Variants in CLNK observed in about 807,000 individuals in gnomAD.
CLNK encodes the protein cytokine dependent hematopoietic cell linker.
Under a neutral mutation model 68.6 loss-of-function variants are expected in CLNK, and 74 were observed. That is an observed-to-expected ratio of 1.08 (90% CI 0.89 to 1.31). The LOEUF (loss-of-function observed/expected upper bound fraction) is 1.31, where lower values mean the gene tolerates loss of function less well. CLNK is among the 50% of genes most tolerant of loss of function. CLNK has a pLI of 0.00. For synonymous variants in CLNK, 198 were observed against 172.2 expected, an observed-to-expected ratio of 1.15 and a Z score of -1.17; for missense variants, 553 against 515.3, an observed-to-expected ratio of 1.07 and a Z score of -0.71.
intron 2 of CLNK, among the ~76,000 whole-genome samples, chr4:10,646,990 T>C (rs1046986320): frequency 6.6e-5 from 10 of 152,202 alleles, no homozygotes; most frequent in African/African-American, 2.4e-4. Context: ...ACATTCTTTT[T>C]GTTGCCATCA....
chr4:10,632,558 A>T (rs1357774673), intron 2 of CLNK, among the ~76,000 whole-genome samples: 4 of 152,244 alleles, frequency 2.6e-5, no homozygotes, highest in Non-Finnish European at 5.9e-5. Context: ...GGGCAGGGTC[A>T]TCTTTTTTTG....
the CLNK span, among the ~76,000 whole-genome samples, chr4:10,689,916 T>C: frequency 6.6e-6 from 1 of 151,946 alleles, no homozygotes; most frequent in Non-Finnish European, 1.5e-5. Context: ...TCTCATCTCA[T>C]AGCCTGTCTC....
At chr4:10,691,764 T>A in the CLNK span, among the ~76,000 whole-genome samples, 8 of 152,176 alleles carry the variant, frequency 5.3e-5, no homozygotes, top group Non-Finnish European at 1.2e-4. Flanking sequence ...CCCCATACCA[T>A]CTGTCCTCAA....
intron 2 of CLNK, among the ~76,000 whole-genome samples, chr4:10,615,784 A>C (rs1272194560): frequency 6.6e-6 from 1 of 152,224 alleles, no homozygotes; most frequent in Non-Finnish European, 1.5e-5. Context: ...TCTAAGGTCA[A>C]AGATTTTTCC....
At chr4:10,553,432 TC>T (rs1719538658) in intron 8 of CLNK, among the ~76,000 whole-genome samples, 2 of 151,408 alleles carry the variant, frequency 1.3e-5, no homozygotes, top group Non-Finnish European at 2.9e-5. Context: ...ATCCAGAGTT[TC>T]CCATTTATTT....
the CLNK span, among the ~76,000 whole-genome samples, chr4:10,713,464 G>C: frequency 6.6e-6 from 1 of 152,178 alleles, no homozygotes; most frequent in Non-Finnish European, 1.5e-5. Flanking sequence ...AGGTGGAGGA[G>C]ATAGAGGAAG....
chr4:10,662,575 A>G (rs1185895011), intron 2 of CLNK, among the ~76,000 whole-genome samples: 1 of 152,224 alleles, frequency 6.6e-6, no homozygotes, highest in Non-Finnish European at 1.5e-5. Flanking sequence ...ATTGTGGAGA[A>G]GGGGTGAGAA....
intron 2 of CLNK, among the ~76,000 whole-genome samples, chr4:10,653,878 C>T (rs1483625358): frequency 6.6e-6 from 1 of 152,132 alleles, no homozygotes; most frequent in Non-Finnish European, 1.5e-5. Context: ...TGAACAAACA[C>T]GTATGTAGAA....
intron 16 of CLNK, among the ~76,000 whole-genome samples, chr4:10,511,649 CATA>C (rs1251879332): frequency 2.0e-5 from 3 of 152,178 alleles, no homozygotes; most frequent in Non-Finnish European, 2.9e-5. Flanking sequence ...TTTCACTCAG[CATA>C]ATGTTTTCAA....
chr4:10,700,435 G>T, the CLNK span, among the ~76,000 whole-genome samples: 154 of 152,240 alleles, frequency 1.0e-3, no homozygotes, highest in African/African-American at 3.6e-3. Flanking sequence ...TTATTATTTT[G>T]CAAGACAGAC....
At chr4:10,655,498 G>A (rs1723940485) in intron 2 of CLNK, among the ~76,000 whole-genome samples, 1 of 152,134 alleles carries the variant, frequency 6.6e-6, no homozygotes, top group Non-Finnish European at 1.5e-5. Flanking sequence ...CTACAACAAA[G>A]TTATACTAAT....
chr4:10,575,256 G>A (rs1238751816), intron 4 of CLNK, among the ~76,000 whole-genome samples: 3 of 152,068 alleles, frequency 2.0e-5, no homozygotes, highest in Non-Finnish European at 2.9e-5. Flanking sequence ...TCTCACCTCC[G>A]ACTTCAGCTG....
At chr4:10,726,400 T>C in the CLNK span, among the ~76,000 whole-genome samples, 8 of 152,212 alleles carry the variant, frequency 5.3e-5, no homozygotes, top group Admixed American at 4.6e-4. Flanking sequence ...ATTATAGGCG[T>C]GAGCCACCAT....
intron 16 of CLNK, among the ~76,000 whole-genome samples, chr4:10,510,824 T>C (rs973471848): frequency 1.3e-5 from 2 of 152,226 alleles, no homozygotes; most frequent in African/African-American, 4.8e-5. Flanking sequence ...TGCTAAAATT[T>C]ACCTATAACC....
At chr4:10,675,253 T>G (rs1724822342) in intron 1 of CLNK, among the ~76,000 whole-genome samples, 1 of 152,228 alleles carries the variant, frequency 6.6e-6, no homozygotes, top group Admixed American at 6.5e-5. Context: ...CTATAAGATT[T>G]CCAAAGAACA....
chr4:10,707,015 C>T, the CLNK span, among the ~76,000 whole-genome samples: 1 of 121,458 alleles, frequency 8.2e-6, no homozygotes, highest in African/African-American at 3.0e-5. Flanking sequence ...CTCCTGAGTT[C>T]AGGCAATCCA....
intron 15 of CLNK, among the ~76,000 whole-genome samples, chr4:10,516,030 T>G (rs955213876): frequency 1.3e-5 from 2 of 152,188 alleles, no homozygotes; most frequent in African/African-American, 4.8e-5. Context: ...TAACATATTA[T>G]CATTGCATGT....
At chr4:10,541,295 A>T (rs913687022) in intron 10 of CLNK, among the ~76,000 whole-genome samples, 1 of 151,718 alleles carries the variant, frequency 6.6e-6, no homozygotes, top group Non-Finnish European at 1.5e-5. Flanking sequence ...CTCATATGTT[A>T]TTCACCCATT....
At chr4:10,547,636 A>G (rs1016067913) in intron 8 of CLNK, among the ~76,000 whole-genome samples, 1 of 151,914 alleles carries the variant, frequency 6.6e-6, no homozygotes, top group African/African-American at 2.4e-5. Flanking sequence ...TTTAAGCATC[A>G]CCTTCCTATG....
Sources: gnomAD v4.1 joint callset for allele counts (sites outside exome capture counted in the v4.1 genomes callset) on GRCh38, gnomAD v4.1.1 for gene constraint, MANE v1.5 for transcripts, NCBI Gene and HGNC (gene_info 2026-07-23, HGNC 2026-07-21) for gene names.